The following RP1 variants were observed in gnomAD, a reference collection of about 807,000 sequenced individuals.
RP1 encodes oxygen-regulated protein 1.
In RP1, 16 loss-of-function variants were observed where a neutral mutation model predicts 14.8. That is an observed-to-expected ratio of 1.08 (90% confidence interval 0.73 to 1.65). The LOEUF (loss-of-function observed/expected upper bound fraction) is 1.65. RP1 is among the 40% of genes most tolerant of loss of function. The probability of loss-of-function intolerance (pLI) is 0.00; values close to 1 mark genes in which losing one functional copy is unlikely to be tolerated. For synonymous variants in RP1, 876 were observed against 883.6 expected (o/e 0.99, Z 0.15); for missense variants, 2,631 against 2,535.0 (o/e 1.04, Z -0.81).
intron 28 of RP1, chr8:54,869,765 T>G (rs540400296): frequency 9.8e-6 from 5 of 512,110 alleles, no homozygotes; most frequent in Non-Finnish European, 1.5e-5. Flanking sequence ...TTTCCATATG[T>G]TTTTTTTTCC....
intron 1 of RP1, among the ~76,000 whole-genome samples, chr8:54,584,158 G>A (rs7006710): frequency 0.021 from 3,199 of 152,170 alleles, 112 homozygotes; most frequent in African/African-American, 0.072. Context: ...ATTTCCCTCT[G>A]CACACTGCTT....
At chr8:54,764,009 T>G (rs754710547) in intron 22 of RP1, among the ~76,000 whole-genome samples, 8 of 152,188 alleles carry the variant, frequency 5.3e-5, no homozygotes, top group Non-Finnish European at 1.0e-4. Context: ...GAATAGACTA[T>G]CAGCAAATCC....
At chr8:54,730,728 G>A (rs1292621545) in intron 17 of RP1, among the ~76,000 whole-genome samples, 4 of 152,022 alleles carry the variant, frequency 2.6e-5, no homozygotes, top group African/African-American at 9.7e-5. Flanking sequence ...GGATGCCTTT[G>A]ATTATGTGAT....
In RP1 at chr8:54,659,371, G is replaced by A. The variant is rs556865922; in HGVS notation, c.1171+3156G>A. Among the ~76,000 whole-genome samples the A allele has an allele frequency of 6.5e-4, 99 of 152,168 alleles. 1 individual carries two copies. Among genetic ancestry groups the A allele is most frequent in the African/African-American group, 2.3e-3 (97 of 41,518 alleles). On this transcript the variant is annotated intron_variant, in intron 6 of 22. Coordinates refer to the RP1 transcript ENST00000636932. Reference sequence around the variant, plus strand: ...TATGTATTTAGATTTTTATGGTTAGGTCTTTAATACATTTTTAGTCAATAT... The same window carrying A: ...TATGTATTTAGATTTTTATGGTTAGATCTTTAATACATTTTTAGTCAATAT...
intron 3 of RP1, among the ~76,000 whole-genome samples, chr8:54,644,026 C>T (rs1288067562): frequency 1.3e-5 from 2 of 152,160 alleles, no homozygotes; most frequent in Non-Finnish European, 2.9e-5. Flanking sequence ...TCCCAAATCT[C>T]ATTTTATATA....
downstream of RP1, among the ~76,000 whole-genome samples, chr8:54,632,762 T>A (rs573735933): frequency 1.3e-5 from 2 of 152,290 alleles, no homozygotes; most frequent in Admixed American, 1.3e-4. Context: ...TCAAAGCATG[T>A]TTTTAGTTTT....
At chr8:54,664,275 T>C (rs1806964081) in intron 7 of RP1, among the ~76,000 whole-genome samples, 1 of 152,182 alleles carries the variant, frequency 6.6e-6, no homozygotes, top group South Asian at 2.1e-4. Flanking sequence ...ACAAACTACA[T>C]TTTGTTTATG....
rs116573114 is a variant in RP1 at position 54,861,169 on chromosome 8, T to C, written c.4069+4063T>C. Among the ~76,000 whole-genome samples, 954 of 152,346 alleles carry C rather than the reference T, an allele frequency of 6.3e-3. 7 individuals carry two copies. The highest frequency in any genetic ancestry group is 0.022 in the African/African-American group (910 of 41,580). ...TCCCATATTTTCTTTTCAAACTGTG[T>C]ATTATTTGGAGTCTGATAACCCACT... On this transcript the variant is annotated intron_variant, in intron 27 of 28. Transcript: ENST00000637698.
intron 23 of RP1, among the ~76,000 whole-genome samples, chr8:54,781,587 T>G (rs535925900): frequency 6.6e-6 from 1 of 152,316 alleles, no homozygotes; most frequent in East Asian, 1.9e-4. Context: ...AATTATTTCA[T>G]AGGGCAGTGG....
At chr8:54,772,969 C>T (rs1315766508), downstream of RP1, among the ~76,000 whole-genome samples, 1 of 152,122 alleles carries the variant, frequency 6.6e-6, no homozygotes, top group African/African-American at 2.4e-5. Flanking sequence ...ACTCTTTTCT[C>T]AACCTTTGTG....
At chr8:54,723,760 G>A (rs766450300) in intron 16 of RP1, among the ~76,000 whole-genome samples, 9 of 152,182 alleles carry the variant, frequency 5.9e-5, no homozygotes, top group Non-Finnish European at 1.2e-4. Context: ...TTAAAAAACT[G>A]TAGATCAATA....
At chr8:54,685,947 C>T in intron 12 of RP1, among the ~76,000 whole-genome samples, 1 of 152,202 alleles carries the variant, frequency 6.6e-6, no homozygotes, top group Admixed American at 6.5e-5. Context: ...CTGGCCCTGA[C>T]AGCCCCAGCT....
intron 1 of RP1, among the ~76,000 whole-genome samples, chr8:54,600,738 C>T (rs144966353): frequency 5.9e-5 from 9 of 152,252 alleles, no homozygotes; most frequent in Non-Finnish European, 1.2e-4. Flanking sequence ...GCAGGTATTG[C>T]CTAAATGTTT....
At chr8:54,758,823 C>A in intron 21 of RP1, 1 of 1,246,300 alleles carries the variant, frequency 8.0e-7, no homozygotes, top group Non-Finnish European at 1.1e-6. Flanking sequence ...AAGTATTGTG[C>A]TGCTTCTGGC....
intron 1 of RP1, among the ~76,000 whole-genome samples, chr8:54,579,955 T>G (rs1585523010): frequency 6.6e-6 from 1 of 152,316 alleles, no homozygotes; most frequent in East Asian, 1.9e-4. Context: ...CCTCCTGGGC[T>G]AGGAGAGGAC....
Position 54,608,443 on chromosome 8 carries a change from A to G in RP1, c.-12-12512A>G, listed in dbSNP as rs972757032. Reference sequence around the variant, plus strand: ...CCCTCTGTTTTCAGTCTAGGCAGTTATTTGTGCCTGACTAACCAAATGACT... The same window carrying G: ...CCCTCTGTTTTCAGTCTAGGCAGTTGTTTGTGCCTGACTAACCAAATGACT... On this transcript the variant is annotated intron_variant, in intron 1 of 22. Coordinates refer to the RP1 transcript ENST00000636932. Among the ~76,000 whole-genome samples, 3 of 152,172 alleles carry G rather than the reference A, an allele frequency of 2.0e-5. No individual in the cohort carries two copies. In the East Asian group the frequency reaches 5.8e-4, roughly 29 times the overall value.
At chr8:54,787,195 C>A (rs1810339752) in intron 24 of RP1, among the ~76,000 whole-genome samples, 1 of 151,910 alleles carries the variant, frequency 6.6e-6, no homozygotes, top group African/African-American at 2.4e-5. Context: ...TCACTAAGAG[C>A]CAAAATGAAG....
At chr8:54,814,555 G>C (rs1243171473) in intron 24 of RP1, among the ~76,000 whole-genome samples, 1 of 152,076 alleles carries the variant, frequency 6.6e-6, no homozygotes, top group Non-Finnish European at 1.5e-5. Context: ...AATTGGTCCT[G>C]GTATGGAACT....
intron 21 of RP1, among the ~76,000 whole-genome samples, chr8:54,758,669 C>T (rs1261026923): frequency 2.0e-5 from 3 of 152,128 alleles, no homozygotes; most frequent in African/African-American, 7.2e-5. Context: ...GTTTGTTACT[C>T]TGGATGCTAC....
Sources: allele counts gnomAD v4.1 joint callset (sites outside exome capture counted in the v4.1 genomes callset), GRCh38; gene constraint gnomAD v4.1.1; transcripts MANE v1.5; gene names NCBI Gene and HGNC (gene_info 2026-07-23, HGNC 2026-07-21).